The following ZFAT variants were observed in gnomAD, a reference collection of about 807,000 sequenced individuals.
ZFAT encodes the protein zinc finger and AT-hook domain containing, also known as zinc finger protein ZFAT.
ZFAT carries 64 observed loss-of-function variants against 117.7 expected under a neutral mutation model. The observed-to-expected ratio is 0.54, with a 90% CI of 0.44 to 0.67. ZFAT has a LOEUF of 0.67. Among genes scored for constraint, ZFAT ranks in the 30% least tolerant of loss-of-function variants. The probability of loss-of-function intolerance (pLI) is 0.00; values close to 1 mark genes in which losing one functional copy is unlikely to be tolerated. For missense variants in ZFAT, 1,433 were observed against 1,584.5 expected, an observed-to-expected ratio of 0.90 and a Z score of 1.62; for synonymous variants, 679 against 615.0, an observed-to-expected ratio of 1.10 and a Z score of -1.54.
Position 134,602,295 on chromosome 8 carries a change from G to A in ZFAT, c.1424C>T (p.Thr475Ile), listed in dbSNP as rs771853406. 15 of 1,613,846 alleles carry A rather than the reference G, an allele frequency of 9.3e-6. No homozygotes were observed. The Admixed American group carries it at 1.8e-4, about 20-fold the overall frequency. The change falls in exon 6 of 16, where the codon ACC becomes ATC. Residue 475 changes from threonine (T) to isoleucine (I), a missense_variant. Thr to Ile is a moderately conservative substitution (Grantham distance 89). This residue lies in a region of ZFAT where 372 missense variants were observed against 355.6 expected (regional missense o/e 1.05). Coordinates refer to ENST00000377838, the MANE Select transcript of ZFAT (RefSeq NM_020863.4). ...KKFVSSIRLR[T>I]HIKEVHGAAQ... ...AGCCCCGTGCACCTCTTTGATGTGG[G>A]TGCGCAGCCTGATGGAGCTGACGAA...
intron 11 of ZFAT, among the ~76,000 whole-genome samples, chr8:134,563,636 G>C (rs1223274684): frequency 6.6e-6 from 1 of 152,218 alleles, no homozygotes; most frequent in Non-Finnish European, 1.5e-5. Flanking sequence ...AAGACTGACA[G>C]GTGATCAGTT....
chr8:134,639,832 G>C (rs1309260278), intron 2 of ZFAT: 3 of 455,266 alleles, frequency 6.6e-6, no homozygotes, highest in African/African-American at 6.0e-5. Flanking sequence ...ACTGAAGCCT[G>C]CGGCCCAGGT....
rs552710199 is a variant in ZFAT, at chr8:134,566,319, G to A, written c.2888-898C>T. ...TGAGGCAGGAGAATGGCGTGAACCCGGGAGGTGGAGCTTGCAGTGAGCCGA... is the reference window on the plus strand; with the variant it reads ...TGAGGCAGGAGAATGGCGTGAACCCAGGAGGTGGAGCTTGCAGTGAGCCGA... On this transcript the variant is annotated intron_variant, in intron 10 of 15. Transcript: ENST00000377838. Among the ~76,000 whole-genome samples, 10 of 141,718 alleles carry A rather than the reference G, an allele frequency of 7.1e-5. No individual in the cohort carries two copies. The South Asian group carries it at 9.4e-4, about 13-fold the overall frequency. 93.0% of individuals were successfully genotyped at this position (141,718 alleles called of 152,430 possible).
rs748282533 is a variant in ZFAT at position 134,602,063 on chromosome 8, A to C, written c.1656T>G (p.Pro552=). Residue 552 remains proline, a synonymous_variant, in exon 6 of 16, where the codon CCT becomes CCG. Coordinates refer to ENST00000377838, the MANE Select transcript of ZFAT (RefSeq NM_020863.4). ...GCACAGCTGGGGCAGGCATTTCCCCAGGGGCCTCCGGCTCCTTCCGGCCCT... is the reference window on the plus strand; with the variant it reads ...GCACAGCTGGGGCAGGCATTTCCCCCGGGGCCTCCGGCTCCTTCCGGCCCT... ...LEEGRKEPEA[P]GEMPAPAVHL... The C allele has an allele frequency of 2.4e-5, 38 of 1,611,512 alleles. No homozygotes were observed. The highest frequency in any genetic ancestry group is 6.7e-5 in the East Asian group (3 of 44,836).
intron 15 of ZFAT, among the ~76,000 whole-genome samples, chr8:134,503,696 G>C (rs2130300347): frequency 6.6e-6 from 1 of 152,250 alleles, no homozygotes; most frequent in Non-Finnish European, 1.5e-5. Context: ...CTTTTGAAAA[G>C]GAGGGAATTC....
At chr8:134,556,751 G>C (rs370996111) in intron 11 of ZFAT, among the ~76,000 whole-genome samples, 9 of 152,160 alleles carry the variant, frequency 5.9e-5, no homozygotes, top group African/African-American at 2.2e-4. Flanking sequence ...AAAATCGAGA[G>C]AATTTAATTC....
In ZFAT at chr8:134,601,624, G is replaced by A; in HGVS notation, c.2095C>T (p.Pro699Ser). The A allele has an allele frequency of 1.9e-6, 3 of 1,614,244 alleles. No individual in the cohort carries two copies. The highest frequency in any genetic ancestry group is 2.5e-6 in the Non-Finnish European group (3 of 1,180,044). Reference sequence around the variant, plus strand: ...TCAGGGGCAGCTTTGCAAGAGTCAGGCTGATGTGTGATGGTGTCCCCACCA... The same window carrying A: ...TCAGGGGCAGCTTTGCAAGAGTCAGACTGATGTGTGATGGTGTCCCCACCA... ...AGGGDTITHQ[P>S]DSCKAAPEHR... The change falls in exon 6 of 16, where the codon CCT becomes TCT. Residue 699 changes from proline (P) to serine (S), a missense_variant. This residue lies in a region of ZFAT where 372 missense variants were observed against 355.6 expected (regional missense o/e 1.05). Coordinates refer to ENST00000377838, the MANE Select transcript of ZFAT (RefSeq NM_020863.4).
At chr8:134,544,949 G>GT (rs1390699590) in intron 11 of ZFAT, among the ~76,000 whole-genome samples, 1 of 152,180 alleles carries the variant, frequency 6.6e-6, no homozygotes, top group Non-Finnish European at 1.5e-5. Context: ...CTCTGTGGGT[G>GT]TATGTATCTT....
chr8:134,636,790 C>T (rs991752440), intron 3 of ZFAT, among the ~76,000 whole-genome samples: 91 of 152,244 alleles, frequency 6.0e-4, no homozygotes, highest in African/African-American at 2.0e-3. Context: ...CACTACCCCA[C>T]AGCAACTTCA....
At chr8:134,588,125 G>C in intron 9 of ZFAT, 121 bp downstream of exon 9, 1 of 1,199,244 alleles carries the variant, frequency 8.3e-7, no homozygotes, top group Non-Finnish European at 1.1e-6. Flanking sequence ...ATCTCTCAGT[G>C]TGCTAAGGAA....
At chr8:134,551,191 G>A (rs577001912) in intron 11 of ZFAT, among the ~76,000 whole-genome samples, 2 of 152,298 alleles carry the variant, frequency 1.3e-5, no homozygotes, top group South Asian at 2.1e-4. Context: ...GGACTAACGC[G>A]CAGAGAGTAG....
intron 11 of ZFAT, among the ~76,000 whole-genome samples, chr8:134,561,415 C>A (rs6996965): frequency 0.47 from 71,641 of 151,518 alleles, 17,115 homozygotes; most frequent in East Asian, 0.56. Flanking sequence ...TAAACCTAGG[C>A]ACCGATTTCC....
chr8:134,537,006 T>C (rs777874414), intron 11 of ZFAT, among the ~76,000 whole-genome samples: 3 of 152,234 alleles, frequency 2.0e-5, no homozygotes, highest in African/African-American at 4.8e-5. Flanking sequence ...CCCATTAGCA[T>C]AGCTATTATT....
At chr8:134,506,834 A>G (rs1819451847) in intron 15 of ZFAT, among the ~76,000 whole-genome samples, 1 of 152,234 alleles carries the variant, frequency 6.6e-6, no homozygotes, top group African/African-American at 2.4e-5. Context: ...TATAAAAGAG[A>G]TCCAAAAAGA....
rs114774851 is a variant in ZFAT, at chr8:134,616,094, T to C, written c.449-5439A>G. On this transcript the variant is annotated intron_variant, in intron 3 of 15. Transcript: ENST00000377838. ...CAGACGCCACCCAGAGACTCTGGCC[T>C]ACAAAAGCAGGTGTTTCATGGAGAG... Among the ~76,000 whole-genome samples the C allele has an allele frequency of 4.6e-3, 705 of 152,228 alleles. 3 individuals carry two copies. The highest frequency in any genetic ancestry group is 0.016 in the African/African-American group (649 of 41,548).
intron 1 of ZFAT, 151 bp downstream of exon 1, chr8:134,712,694 C>T: frequency 1.7e-6 from 1 of 599,434 alleles, no homozygotes; most frequent in Non-Finnish European, 2.6e-6. Flanking sequence ...TACGTTCGCT[C>T]TCCTCCCCAG....
At chr8:134,634,539 T>C (rs1352534706) in intron 3 of ZFAT, among the ~76,000 whole-genome samples, 1 of 152,126 alleles carries the variant, frequency 6.6e-6, no homozygotes, top group Admixed American at 6.6e-5. Flanking sequence ...GTTCTAGGAA[T>C]TTATCCTACA....
intron 15 of ZFAT, among the ~76,000 whole-genome samples, chr8:134,500,428 A>T (rs1282718466): frequency 6.6e-6 from 1 of 152,216 alleles, no homozygotes; most frequent in Non-Finnish European, 1.5e-5. Flanking sequence ...GATGGCTTGC[A>T]TGGGAAAAAG....
chr8:134,525,565 T>C (rs1396369361), intron 12 of ZFAT, among the ~76,000 whole-genome samples: 1 of 152,222 alleles, frequency 6.6e-6, no homozygotes, highest in Non-Finnish European at 1.5e-5. Context: ...GCGCTCAATC[T>C]CCAAATCAAT....
Sources: allele counts gnomAD v4.1 joint callset (sites outside exome capture counted in the v4.1 genomes callset), GRCh38; gene constraint gnomAD v4.1.1; regional missense constraint gnomAD v4.1.1; transcripts MANE v1.5; gene names NCBI Gene and HGNC (gene_info 2026-07-23, HGNC 2026-07-21).